Variants in IGSF21 observed in about 807,000 individuals in gnomAD.
The protein encoded by IGSF21 is immunoglobin superfamily member 21.
A neutral mutation model predicts 46.8 loss-of-function variants in IGSF21; 28 were observed. That is an observed-to-expected ratio of 0.60 (90% CI 0.44 to 0.82). The LOEUF (loss-of-function observed/expected upper bound fraction) is 0.82. Among genes scored for constraint, IGSF21 ranks in the 40% least tolerant of loss-of-function variants. IGSF21 has a pLI of 0.00. For missense variants in IGSF21, 624 were observed against 665.5 expected (o/e 0.94, Z 0.69); for synonymous variants, 284 against 273.6 (o/e 1.04, Z -0.38).
chr1:18,337,600 A>C lies in IGSF21; in HGVS notation c.424+2590A>C, dbSNP rs1226912115. ...CACGCACCGTGGCAACCTGGAAGCC[A>C]GGGTGTGTCTCTGGGAGTGGCAGAG... On this transcript the variant is annotated intron_variant, in intron 4 of 9. Transcript: ENST00000251296. The surrounding 1 kb of genome is among the most constrained non-coding windows in gnomAD (Gnocchi z 5.7). 6.6e-6 allele frequency among the ~76,000 whole-genome samples: 1 copy of C among 151,820 alleles called. No individual in the cohort carries two copies. The highest frequency in any genetic ancestry group is 2.4e-5 in the African/African-American group (1 of 41,316).
In IGSF21 at chr1:18,270,428, G is replaced by A. The variant is rs111330537; in HGVS notation, c.184-21438G>A. ...GCCCTGCAAGGTTCTGCCAACACTCGGCATCTGGTCCTGCTTCATGCCTCT... is the reference window on the plus strand; with the variant it reads ...GCCCTGCAAGGTTCTGCCAACACTCAGCATCTGGTCCTGCTTCATGCCTCT... On this transcript the variant is annotated intron_variant, in intron 2 of 9. Transcript: ENST00000251296. Among the ~76,000 whole-genome samples, 1,138 of 152,294 alleles carry A rather than the reference G, an allele frequency of 7.5e-3. 13 individuals carry two copies. Among genetic ancestry groups the A allele is most frequent in the African/African-American group, 0.026 (1,074 of 41,560 alleles).
intron 1 of IGSF21, among the ~76,000 whole-genome samples, chr1:18,220,755 T>G (rs1457323340): frequency 6.6e-6 from 1 of 152,124 alleles, no homozygotes; most frequent in Non-Finnish European, 1.5e-5. Context: ...CCAGGAAATA[T>G]CCAAGTTACC....
rs993275900 is a variant in IGSF21 at position 18,291,965 on chromosome 1, C to T, written c.283C>T (p.Leu95=). The T allele has an allele frequency of 4.3e-6, 7 of 1,610,756 alleles. No homozygotes were observed. The East Asian group carries it at 1.1e-4, about 26-fold the overall frequency. ...HMENYRKRED[L]VYQSTVRLPE... The stretch of plus-strand genomic sequence containing the variant: ...GGAGAACTACCGCAAGCGAGAGGAC[C>T]TGGTGTACCAGTCCACTGTGAGGTG... Residue 95 remains leucine (L), a synonymous_variant, in exon 3 of 10, where the codon CTG becomes TTG. Coordinates refer to ENST00000251296, the MANE Select transcript of IGSF21 (RefSeq NM_032880.5).
chr1:18,362,094 C>G (rs987670021), intron 4 of IGSF21, 21 bp from the exon 5 acceptor site: 12 of 1,540,158 alleles, frequency 7.8e-6, no homozygotes, highest in Non-Finnish European at 1.1e-5. Flanking sequence ...CCTTGTCTTC[C>G]TGTGCTTCCT....
chr1:18,139,414 C>A (rs1173417421), intron 1 of IGSF21, among the ~76,000 whole-genome samples: 1 of 152,166 alleles, frequency 6.6e-6, no homozygotes, highest in African/African-American at 2.4e-5. Flanking sequence ...GCTGGAAGAT[C>A]GTGCAGGCTC....
rs569950270 is a variant in IGSF21, at chr1:18,378,394, A to G, written c.*68A>G. ...CGACCGGTTTTCATTTCTTTTCTAAACTATTTCCAGTCTTGTTCTTAGTCT... is the reference window on the plus strand; with the variant it reads ...CGACCGGTTTTCATTTCTTTTCTAAGCTATTTCCAGTCTTGTTCTTAGTCT... On this transcript the variant is annotated 3_prime_UTR_variant, in exon 10 of 10. Transcript: ENST00000251296. The G allele has an allele frequency of 2.3e-4, 297 of 1,296,626 alleles. No homozygotes were observed. In the African/African-American group the frequency reaches 3.7e-3, roughly 16 times the overall value. 80.3% of individuals were successfully genotyped at this position (1,296,626 alleles called of 1,614,324 possible). A position where few individuals can be genotyped will look rare whatever the true frequency, so the allele number is the denominator to read the frequency against.
At chr1:18,372,692 G>A (rs1259004999) in intron 6 of IGSF21, among the ~76,000 whole-genome samples, 1 of 149,540 alleles carries the variant, frequency 6.7e-6, no homozygotes, top group African/African-American at 2.5e-5. Context: ...ATGGATGAGT[G>A]TTTAGATGGG....
chr1:18,197,084 C>T (rs947035958), intron 1 of IGSF21, among the ~76,000 whole-genome samples: 1 of 152,344 alleles, frequency 6.6e-6, no homozygotes, highest in East Asian at 1.9e-4. Context: ...ACTTTTCAGG[C>T]AGCCTCTCTG....
intron 2 of IGSF21, among the ~76,000 whole-genome samples, chr1:18,285,245 C>T (rs1220090314): frequency 6.6e-6 from 1 of 151,348 alleles, no homozygotes; most frequent in Non-Finnish European, 1.5e-5. Context: ...GTGAGGCAGC[C>T]GAAGTTGGAG....
chr1:18,237,716 T>C (rs1434441196), intron 2 of IGSF21, among the ~76,000 whole-genome samples: 1 of 152,208 alleles, frequency 6.6e-6, no homozygotes, highest in Non-Finnish European at 1.5e-5. Flanking sequence ...TTATTCATCT[T>C]TGCATCTCTT....
In IGSF21 at chr1:18,162,014, C is replaced by A. The variant is rs557422490; in HGVS notation, c.70+53816C>A. On this transcript the variant is annotated intron_variant, in intron 1 of 9. Transcript: ENST00000251296. Reference sequence around the variant, plus strand: ...TCCCTAACTTACAATGATTCGATTTCCTGTTTTTCTTTCTTTCTTTTTCCT... The same window carrying A: ...TCCCTAACTTACAATGATTCGATTTACTGTTTTTCTTTCTTTCTTTTTCCT... Among the ~76,000 whole-genome samples, 6 of 152,136 alleles carry A rather than the reference C, an allele frequency of 3.9e-5. No individual in the cohort carries two copies. In the South Asian group the frequency reaches 1.2e-3, roughly 32 times the overall value.
intron 2 of IGSF21, among the ~76,000 whole-genome samples, chr1:18,259,774 T>C (rs60782076): frequency 0.069 from 10,543 of 152,138 alleles, 827 homozygotes; most frequent in African/African-American, 0.19. Flanking sequence ...GGAGGTGCAC[T>C]GATGTGAAAG....
intron 1 of IGSF21, among the ~76,000 whole-genome samples, chr1:18,136,580 A>G (rs550104520): frequency 6.9e-4 from 105 of 152,258 alleles, no homozygotes; most frequent in African/African-American, 2.3e-3. Context: ...GATATGCAGC[A>G]TTATTTCTGA....
chr1:18,195,752 AAC>A (rs1289791031), intron 1 of IGSF21, among the ~76,000 whole-genome samples: 1 of 152,234 alleles, frequency 6.6e-6, no homozygotes, highest in African/African-American at 2.4e-5. Context: ...GGAGTTTTTA[AAC>A]ACAATTATGT....
At chr1:18,242,620 G>T (rs752072409) in intron 2 of IGSF21, among the ~76,000 whole-genome samples, 1 of 152,150 alleles carries the variant, frequency 6.6e-6, no homozygotes, top group African/African-American at 2.4e-5. Context: ...ATAATTGAGG[G>T]TGTAAGAAGG....
At chr1:18,232,630 C>T (rs2084639185) in intron 2 of IGSF21, among the ~76,000 whole-genome samples, 1 of 152,202 alleles carries the variant, frequency 6.6e-6, no homozygotes, top group African/African-American at 2.4e-5. Flanking sequence ...CTCCATGAAT[C>T]CTCTGTGTGG....
chr1:18,219,872 T>G (rs1354286522), intron 1 of IGSF21, among the ~76,000 whole-genome samples: 1 of 152,168 alleles, frequency 6.6e-6, no homozygotes, highest in Non-Finnish European at 1.5e-5. Context: ...GCATCTGGGC[T>G]TGTGAGATAG....
At chr1:18,317,855 A>G (rs2085558763) in intron 3 of IGSF21, among the ~76,000 whole-genome samples, 1 of 152,186 alleles carries the variant, frequency 6.6e-6, no homozygotes, top group Non-Finnish European at 1.5e-5. Flanking sequence ...TCAACAACCC[A>G]TGAGAAAAGT....
intron 4 of IGSF21, among the ~76,000 whole-genome samples, chr1:18,341,521 T>C (rs939325502): frequency 1.1e-4 from 16 of 152,318 alleles, no homozygotes; most frequent in African/African-American, 3.8e-4. Flanking sequence ...ACCCCGTGGG[T>C]CACCCTTCGT....
Sources: allele counts gnomAD v4.1 joint callset (sites outside exome capture counted in the v4.1 genomes callset), GRCh38; gene constraint gnomAD v4.1.1; non-coding constraint Gnocchi (gnomAD v3.1); transcripts MANE v1.5; gene names NCBI Gene and HGNC (gene_info 2026-07-23, HGNC 2026-07-21).